SNTB1: variants seen among roughly 807,000 people sequenced by gnomAD.
SNTB1 encodes beta-1-syntrophin.
In SNTB1, 36 loss-of-function variants were observed where a neutral mutation model predicts 48.9. The observed-to-expected ratio is 0.74, with a 90% confidence interval of 0.56 to 0.97. The LOEUF is 0.97. Among genes scored for constraint, SNTB1 ranks in the 50% least tolerant of loss-of-function variants. The pLI, the probability that SNTB1 is intolerant of heterozygous loss-of-function variation, is 0.00. For missense variants in SNTB1, 786 were observed against 703.4 expected, an observed-to-expected ratio of 1.12 and a Z score of -1.33; for synonymous variants, 299 against 294.6, an observed-to-expected ratio of 1.01 and a Z score of -0.15.
At chr8:120,646,597 G>A (rs912269633) in intron 2 of SNTB1, among the ~76,000 whole-genome samples, 1 of 151,874 alleles carries the variant, frequency 6.6e-6, no homozygotes, top group African/African-American at 2.4e-5. Context: ...TTGCATTAAT[G>A]TTCATCAAGG....
chr8:120,696,488 T>C (rs1818212743), intron 1 of SNTB1, among the ~76,000 whole-genome samples: 1 of 152,240 alleles, frequency 6.6e-6, no homozygotes. Context: ...GTGCTTTACA[T>C]ATCTACCCAC....
At chr8:120,630,206 C>T (rs1158997182) in intron 3 of SNTB1, among the ~76,000 whole-genome samples, 3 of 152,174 alleles carry the variant, frequency 2.0e-5, no homozygotes, top group African/African-American at 7.2e-5. Flanking sequence ...AGAGTGCATC[C>T]GTGGGGCTTC....
chr8:120,784,019 AGTCTTGCTCT>A (rs1819874965), intron 1 of SNTB1, among the ~76,000 whole-genome samples: 1 of 152,030 alleles, frequency 6.6e-6, no homozygotes, highest in Admixed American at 6.6e-5. Context: ...TTTGAGACAG[AGTCTTGCTCT>A]GTTGCCCAGG....
chr8:120,566,058 AT>A (rs1486014160), intron 4 of SNTB1, among the ~76,000 whole-genome samples: 2 of 152,072 alleles, frequency 1.3e-5, no homozygotes, highest in African/African-American at 2.4e-5. Flanking sequence ...AATTAGCCAG[AT>A]GTGGTGTCTG....
chr8:120,596,182 A>G (rs531760694), intron 3 of SNTB1, among the ~76,000 whole-genome samples: 1 of 152,316 alleles, frequency 6.6e-6, no homozygotes, highest in South Asian at 2.1e-4. Context: ...TATGCCTTTT[A>G]AGCTAAAAAA....
chr8:120,585,407 G>C (rs114073369), intron 3 of SNTB1, among the ~76,000 whole-genome samples: 2,907 of 152,254 alleles, frequency 0.019, 91 homozygotes, highest in African/African-American at 0.067. Context: ...GGCATGTGAG[G>C]CTTCACTCAG....
intron 1 of SNTB1, among the ~76,000 whole-genome samples, chr8:120,736,269 G>A (rs942037265): frequency 6.6e-6 from 1 of 152,090 alleles, no homozygotes; most frequent in African/African-American, 2.4e-5. Flanking sequence ...TTCAAGATGC[G>A]ATTTGGGTGG....
chr8:120,729,145 A>G (rs1818811761), intron 1 of SNTB1, among the ~76,000 whole-genome samples: 1 of 152,028 alleles, frequency 6.6e-6, no homozygotes, highest in Non-Finnish European at 1.5e-5. Context: ...GGCCCGGCTA[A>G]TTTTTGTATT....
At chr8:120,545,653 A>C (rs1383885645) in intron 5 of SNTB1, among the ~76,000 whole-genome samples, 1 of 152,242 alleles carries the variant, frequency 6.6e-6, no homozygotes, top group Non-Finnish European at 1.5e-5. Flanking sequence ...AGAGCCGTAC[A>C]ACAGGGCTTT....
intron 1 of SNTB1, among the ~76,000 whole-genome samples, chr8:120,742,936 C>T (rs1356617072): frequency 6.6e-6 from 1 of 151,986 alleles, no homozygotes; most frequent in Non-Finnish European, 1.5e-5. Flanking sequence ...AGCATAAAGC[C>T]AGATACGAAT....
intron 2 of SNTB1, among the ~76,000 whole-genome samples, chr8:120,648,638 G>A (rs1314470743): frequency 5.9e-5 from 9 of 151,596 alleles, no homozygotes; most frequent in African/African-American, 1.7e-4. Flanking sequence ...TCTGACAATT[G>A]TGTGTCTTGG....
At chr8:120,715,941 C>T (rs1477380479) in intron 1 of SNTB1, among the ~76,000 whole-genome samples, 5 of 152,148 alleles carry the variant, frequency 3.3e-5, no homozygotes, top group African/African-American at 9.7e-5. Flanking sequence ...TATCAATCTG[C>T]GATGTCCCAT....
chr8:120,746,535 C>A (rs1819129018), intron 1 of SNTB1, among the ~76,000 whole-genome samples: 3 of 152,132 alleles, frequency 2.0e-5, no homozygotes, highest in Admixed American at 2.0e-4. Flanking sequence ...GATCTTATAA[C>A]CCACAAAGCC....
At chr8:120,571,226 G>A (rs1234866067) in intron 4 of SNTB1, 1 of 1,266,114 alleles carries the variant, frequency 7.9e-7, no homozygotes, top group African/African-American at 1.5e-5. Context: ...TTCAACTTTT[G>A]TTTCTGAGAA....
chr8:120,775,460 T>C (rs1819715480), intron 1 of SNTB1: 1 of 152,114 alleles, frequency 6.6e-6, no homozygotes, highest in South Asian at 2.1e-4. Flanking sequence ...AACTTTCTGC[T>C]TTTGATGTGG....
Position 120,627,040 on chromosome 8 carries a change from G to A in SNTB1, c.996+5404C>T, listed in dbSNP as rs1816895397. On this transcript the variant is annotated intron_variant, in intron 3 of 6. Transcript: ENST00000517992. ...CATATGGATTTGTCACTGGGAGACA[G>A]GGAGGAAAGGGAGTTATCTCCTTTG... 2.0e-5 allele frequency among the ~76,000 whole-genome samples: 3 copies of A among 152,212 alleles called. No homozygotes were observed. The South Asian group carries it at 6.2e-4, about 31-fold the overall frequency.
chr8:120,585,473 C>G (rs973497723), intron 3 of SNTB1, among the ~76,000 whole-genome samples: 1 of 152,230 alleles, frequency 6.6e-6, no homozygotes, highest in Admixed American at 6.5e-5. Context: ...ATAATCAAAA[C>G]TCTTTATTCC....
intron 1 of SNTB1, among the ~76,000 whole-genome samples, chr8:120,809,510 A>AT (rs1820391830): frequency 6.6e-6 from 1 of 152,004 alleles, no homozygotes; most frequent in African/African-American, 2.4e-5. Context: ...GGTGAGAGAT[A>AT]TTTTTTACCT....
intron 5 of SNTB1, 97 bp downstream of exon 5, chr8:120,548,665 C>A: frequency 9.4e-7 from 1 of 1,059,456 alleles, no homozygotes. Context: ...TAACTATCCC[C>A]AGAGGCCAGT....
Sources: gnomAD v4.1 joint callset for allele counts (sites outside exome capture counted in the v4.1 genomes callset) on GRCh38, gnomAD v4.1.1 for gene constraint, MANE v1.5 for transcripts, NCBI Gene and HGNC (gene_info 2026-07-23, HGNC 2026-07-21) for gene names.